SNTG1: variants seen among roughly 807,000 people sequenced by gnomAD.
SNTG1 encodes syntrophin gamma 1.
Under a neutral mutation model 74.7 loss-of-function variants are expected in SNTG1, and 39 were observed. The ratio of observed to expected loss-of-function variants is 0.52; its 90% CI spans 0.40 to 0.68. The LOEUF (loss-of-function observed/expected upper bound fraction) is 0.68. Among genes scored for constraint, SNTG1 ranks in the 30% least tolerant of loss-of-function variants. The pLI, the probability that SNTG1 is intolerant of heterozygous loss-of-function variation, is 0.00. For synonymous variants in SNTG1, 254 were observed against 217.1 expected (o/e 1.17, Z -1.49); for missense variants, 685 against 609.5 (o/e 1.12, Z -1.30).
At chr8:50,775,198 A>G (rs1038401001) in intron 18 of SNTG1, among the ~76,000 whole-genome samples, 5 of 151,660 alleles carry the variant, frequency 3.3e-5, no homozygotes, top group East Asian at 3.9e-4. Flanking sequence ...ATTTCCTTAA[A>G]TGATTTAGCT....
intron 2 of SNTG1, among the ~76,000 whole-genome samples, chr8:50,310,531 A>G (rs1007400128): frequency 6.6e-6 from 1 of 152,150 alleles, no homozygotes; most frequent in Non-Finnish European, 1.5e-5. Context: ...TCTACTAAAA[A>G]TACAAAATTA....
chr8:50,550,697 A>ATATATATATATATATATATATG (rs1563561472), intron 11 of SNTG1, among the ~76,000 whole-genome samples: 8 of 149,786 alleles, frequency 5.3e-5, no homozygotes, highest in African/African-American at 2.0e-4. Context: ...GTGTGTGTAT[A>ATATATATATATATATATATATG]TATATATATA....
intron 1 of SNTG1, among the ~76,000 whole-genome samples, chr8:49,965,549 C>T (rs149808953): frequency 6.6e-6 from 1 of 152,138 alleles, no homozygotes; most frequent in Non-Finnish European, 1.5e-5. Flanking sequence ...GCTCTGGACA[C>T]CAGGACAATA....
intron 4 of SNTG1, among the ~76,000 whole-genome samples, chr8:50,409,721 G>A (rs2092923691): frequency 6.6e-6 from 1 of 152,134 alleles, no homozygotes; most frequent in Admixed American, 6.5e-5. Flanking sequence ...CCTTCAATGG[G>A]CCCTGAAGGA....
intron 1 of SNTG1, among the ~76,000 whole-genome samples, chr8:50,048,304 T>TA (rs1240635607): frequency 6.6e-6 from 1 of 151,888 alleles, no homozygotes; most frequent in Non-Finnish European, 1.5e-5. Context: ...AAGAAAAAAA[T>TA]AAAGTCATGC....
intron 13 of SNTG1, among the ~76,000 whole-genome samples, chr8:50,622,321 G>A (rs1182113503): frequency 6.6e-6 from 1 of 152,098 alleles, no homozygotes; most frequent in African/African-American, 2.4e-5. Context: ...CATAAATGAT[G>A]CTAATACCAT....
intron 9 of SNTG1, among the ~76,000 whole-genome samples, chr8:50,510,017 T>A (rs546050652): frequency 1.3e-5 from 2 of 152,276 alleles, no homozygotes; most frequent in South Asian, 4.2e-4. Context: ...ATGCTTCCAG[T>A]TTTTGCTCAT....
intron 1 of SNTG1, among the ~76,000 whole-genome samples, chr8:50,105,034 T>TAA (rs1206052227): frequency 2.6e-5 from 4 of 152,166 alleles, no homozygotes; most frequent in Non-Finnish European, 4.4e-5. Flanking sequence ...CAGAAGCCTT[T>TAA]TAATTTAATT....
intron 2 of SNTG1, among the ~76,000 whole-genome samples, chr8:50,358,513 G>T (rs1039872870): frequency 6.6e-6 from 1 of 152,124 alleles, no homozygotes; most frequent in Non-Finnish European, 1.5e-5. Context: ...GTCCAGGACC[G>T]CAGTTATATT....
rs138245612 is a variant in SNTG1, at chr8:50,191,889, G to A, written c.-28+19254G>A. Among the ~76,000 whole-genome samples the A allele has an allele frequency of 1.6e-4, 25 of 152,110 alleles. No homozygotes were observed. The East Asian group carries it at 4.4e-3, about 27-fold the overall frequency. On this transcript the variant is annotated intron_variant, in intron 2 of 18. Coordinates refer to ENST00000642720, the MANE Select transcript of SNTG1 (RefSeq NM_018967.5). ...CCTATGTATGATGGGACAATAAAAGGGAGAATTTCATGGTCAATAACTCAA... is the reference window on the plus strand; with the variant it reads ...CCTATGTATGATGGGACAATAAAAGAGAGAATTTCATGGTCAATAACTCAA...
intron 1 of SNTG1, among the ~76,000 whole-genome samples, chr8:50,079,161 T>G (rs1822167175): frequency 6.6e-6 from 1 of 152,194 alleles, no homozygotes; most frequent in Non-Finnish European, 1.5e-5. Context: ...TTGAACTAAT[T>G]TACACTCCCA....
chr8:50,792,886 C>A lies in SNTG1; in HGVS notation c.*57C>A. On this transcript the variant is annotated 3_prime_UTR_variant, in exon 19 of 19. Coordinates refer to ENST00000642720, the MANE Select transcript of SNTG1 (RefSeq NM_018967.5). ...ACTGTATAAGCAGGACACATTTACT[C>A]ATCATTTTAGACCCTAGAGAAACCA... is the stretch of plus-strand genomic sequence containing the variant. 6.6e-7 allele frequency: 1 copy of A among 1,506,756 alleles called. No homozygotes were observed. Among genetic ancestry groups the A allele is most frequent in the Non-Finnish European group, 8.9e-7 (1 of 1,121,578 alleles). The allele number at this position is 1,506,756 out of a possible 1,614,324, so 93.3% of individuals were successfully genotyped here.
chr8:50,417,171 G>A (rs1244153063), intron 4 of SNTG1, among the ~76,000 whole-genome samples: 2 of 152,098 alleles, frequency 1.3e-5, no homozygotes, highest in Admixed American at 1.3e-4. Flanking sequence ...ACTTTTCTAA[G>A]TGACATCAAT....
chr8:50,053,908 A>C (rs1285871705), intron 1 of SNTG1, among the ~76,000 whole-genome samples: 2 of 151,948 alleles, frequency 1.3e-5, no homozygotes, highest in Non-Finnish European at 2.9e-5. Flanking sequence ...GAAACACCAA[A>C]ACTATTGATT....
chr8:50,643,489 T>G (rs2095086857), intron 13 of SNTG1, among the ~76,000 whole-genome samples: 1 of 152,214 alleles, frequency 6.6e-6, no homozygotes, highest in Admixed American at 6.5e-5. Flanking sequence ...TTTCTACAGC[T>G]GATATAAAAT....
At chr8:49,998,378 C>A (rs1814433061) in intron 1 of SNTG1, among the ~76,000 whole-genome samples, 1 of 152,132 alleles carries the variant, frequency 6.6e-6, no homozygotes, top group Admixed American at 6.5e-5. Context: ...ACATATTTTT[C>A]TTTCTTCAAT....
chr8:49,938,913 T>C (rs142908667), intron 1 of SNTG1, among the ~76,000 whole-genome samples: 101 of 152,084 alleles, frequency 6.6e-4, no homozygotes, highest in African/African-American at 2.2e-3. Context: ...GTTCAGTATG[T>C]GTAAGTGTTT....
In SNTG1 at chr8:50,154,671, A is replaced by G. The variant is rs371067923; in HGVS notation, c.-102-17890A>G. Among the ~76,000 whole-genome samples the G allele has an allele frequency of 2.6e-5, 4 of 152,176 alleles. No individual in the cohort carries two copies. The East Asian group carries it at 5.8e-4, about 22-fold the overall frequency. ...AAAAATCTTTAAACCTAGTCTAACC[A>G]TGGGGAAGCATTGAACTAACCAAAA... On this transcript the variant is annotated intron_variant, in intron 1 of 18. Coordinates refer to ENST00000642720, the MANE Select transcript of SNTG1 (RefSeq NM_018967.5).
intron 12 of SNTG1, among the ~76,000 whole-genome samples, chr8:50,565,439 C>T (rs866215585): frequency 5.9e-5 from 9 of 151,978 alleles, no homozygotes; most frequent in Admixed American, 2.0e-4. Flanking sequence ...TATATGGCAA[C>T]TCTGTTCTAT....
Sources: gnomAD v4.1 joint callset for allele counts (sites outside exome capture counted in the v4.1 genomes callset) on GRCh38, gnomAD v4.1.1 for gene constraint, MANE v1.5 for transcripts, NCBI Gene and HGNC (gene_info 2026-07-23, HGNC 2026-07-21) for gene names.